Variants in MTERF3 observed in about 807,000 individuals in gnomAD.
The protein encoded by MTERF3 is transcription termination factor 3, mitochondrial.
MTERF3 carries 40 observed loss-of-function variants against 40.5 expected under a neutral mutation model. That is an observed-to-expected ratio of 0.99 (90% CI 0.77 to 1.29). The LOEUF (loss-of-function observed/expected upper bound fraction) is 1.29. Ranked by LOEUF, MTERF3 falls within the 50% of genes most tolerant of loss-of-function variation. MTERF3 has a pLI of 0.00. For synonymous variants in MTERF3, 158 were observed against 166.6 expected, an observed-to-expected ratio of 0.95 and a Z score of 0.40; for missense variants, 452 against 478.2, an observed-to-expected ratio of 0.95 and a Z score of 0.51.
chr8:96,254,556 C>T (rs763820740), intron 3 of MTERF3, among the ~76,000 whole-genome samples: 2 of 152,188 alleles, frequency 1.3e-5, no homozygotes, highest in Non-Finnish European at 2.9e-5. Context: ...CCAGGTTCAT[C>T]CGTGTTGTTG....
intron 3 of MTERF3, among the ~76,000 whole-genome samples, chr8:96,256,010 A>C (rs1031506200): frequency 6.6e-6 from 1 of 152,188 alleles, no homozygotes; most frequent in Non-Finnish European, 1.5e-5. Context: ...TTGGGTATGG[A>C]GAGACCCGAC....
Position 96,245,945 on chromosome 8 carries a change from C to T in MTERF3, c.826-14G>A, listed in dbSNP as rs780918960. On this transcript the variant is annotated splice_polypyrimidine_tract_variant and intron_variant, in intron 5 of 7. Transcript: ENST00000287025. The stretch of plus-strand genomic sequence containing the variant: ...CAGATCTCTAGTCTGTGGTTGCAAA[C>T]AAAACAATCTAGTATTACTATACGT... The T allele has an allele frequency of 1.2e-6, 2 of 1,610,738 alleles. No homozygotes were observed. The highest frequency in any genetic ancestry group is 8.5e-7 in the Non-Finnish European group (1 of 1,177,694).
intron 4 of MTERF3, among the ~76,000 whole-genome samples, chr8:96,248,830 C>T (rs1436042051): frequency 6.6e-6 from 1 of 152,040 alleles, no homozygotes; most frequent in Non-Finnish European, 1.5e-5. Flanking sequence ...GAAATCAGTG[C>T]TGTTATAGAA....
rs772125956 is a variant in MTERF3, at chr8:96,245,962, A to T, written c.826-31T>A. ...GTTGCAAACAAAACAATCTAGTATT[A>T]CTATACGTGCATCTTTAACTAGTTT... On this transcript the variant is annotated intron_variant, in intron 5 of 7. Coordinates refer to ENST00000287025, the MANE Select transcript of MTERF3 (RefSeq NM_015942.5). 4.4e-6 allele frequency: 7 copies of T among 1,582,856 alleles called. 1 individual carries two copies. In the South Asian group the frequency reaches 7.9e-5, roughly 18 times the overall value.
rs979027657 is a variant in MTERF3 at position 96,250,786 on chromosome 8, A to C, written c.677+120T>G. 8.4e-6 allele frequency: 8 copies of C among 956,092 alleles called. No homozygotes were observed. The South Asian group carries it at 1.4e-4, about 16-fold the overall frequency. The allele number at this position is 956,092 out of a possible 1,614,324, so 59.2% of individuals were successfully genotyped here. A position where few individuals can be genotyped will look rare whatever the true frequency, so the allele number is the denominator to read the frequency against. On this transcript the variant is annotated intron_variant, in intron 4 of 7. Coordinates refer to ENST00000287025, the MANE Select transcript of MTERF3 (RefSeq NM_015942.5). ...TTTAGATCAAAGAAGGTCTATAACA[A>C]AAAAAATTCATGTTATCTCAGTAGA... is the stretch of plus-strand genomic sequence containing the variant.
chr8:96,245,883 C>T lies in MTERF3; in HGVS notation c.874G>A (p.Glu292Lys). 1 of 1,613,968 alleles carries T rather than the reference C, an allele frequency of 6.2e-7. No individual in the cohort carries two copies. Among genetic ancestry groups the T allele is most frequent in the Non-Finnish European group, 8.5e-7 (1 of 1,179,948 alleles). The change falls in exon 6 of 8, where the codon GAA (glutamate) becomes AAA (lysine). Residue 292 changes from glutamate (E) to lysine (K), a missense_variant. Glu to Lys is a moderately conservative substitution (Grantham distance 56). Transcript: ENST00000287025. ...RLPRLLTGSL[E>K]PVKENMKVYR... Reference sequence around the variant, plus strand: ...ACCTTCATATTTTCTTTCACGGGTTCCAGACTTCCAGTTAGCAGCCTTGGG... The same window carrying T: ...ACCTTCATATTTTCTTTCACGGGTTTCAGACTTCCAGTTAGCAGCCTTGGG...
At chr8:96,248,422 G>A (rs1404765602) in intron 4 of MTERF3, among the ~76,000 whole-genome samples, 1 of 152,234 alleles carries the variant, frequency 6.6e-6, no homozygotes, top group Non-Finnish European at 1.5e-5. Flanking sequence ...CCAAGATACA[G>A]TGAAGGTAAG....
chr8:96,250,657 A>AAGG (rs1563548893), intron 4 of MTERF3, among the ~76,000 whole-genome samples: 1 of 29,130 alleles, frequency 3.4e-5, no homozygotes, highest in Non-Finnish European at 8.3e-5. Flanking sequence ...GAAGAAGAAG[A>AAGG]AGAAGAAGAA....
rs553827490 is a variant in MTERF3 at position 96,246,869 on chromosome 8, A to T, written c.678-415T>A. 2.1e-3 allele frequency among the ~76,000 whole-genome samples: 327 copies of T among 152,164 alleles called. 1 individual carries two copies. Among genetic ancestry groups the T allele is most frequent in the African/African-American group, 7.2e-3 (298 of 41,498 alleles). On this transcript the variant is annotated intron_variant, in intron 4 of 7. Transcript: ENST00000287025. Reference sequence around the variant, plus strand: ...TTTTTTGATAAGAACAGAAAAACACAAATTAAGAAAATAACACAAATTAAG... The same window carrying T: ...TTTTTTGATAAGAACAGAAAAACACTAATTAAGAAAATAACACAAATTAAG...
chr8:96,241,888 G>A (rs1247996754), intron 7 of MTERF3, among the ~76,000 whole-genome samples: 2 of 152,158 alleles, frequency 1.3e-5, no homozygotes, highest in Non-Finnish European at 2.9e-5. Context: ...GGGGGATCCT[G>A]AATATAACCT....
At chr8:96,250,664 A>AGACGAAGAAGACGAAGACGAAGAAGAC (rs1810151190) in intron 4 of MTERF3, among the ~76,000 whole-genome samples, 1 of 36,634 alleles carries the variant, frequency 2.7e-5, no homozygotes, top group East Asian at 5.1e-4. Context: ...AAGAAGAAGA[A>AGACGAAGAAGACGAAGACGAAGAAGAC]GAAGAAGAAG....
Position 96,239,415 on chromosome 8 carries a change from G to A in MTERF3, c.*76C>T, listed in dbSNP as rs992282300. 53 of 1,163,176 alleles carry A rather than the reference G, an allele frequency of 4.6e-5. No homozygotes were observed. The highest frequency in any genetic ancestry group is 5.7e-4 in the Middle Eastern group (2 of 3,492). 72.1% of individuals were successfully genotyped at this position (1,163,176 alleles called of 1,614,324 possible). On this transcript the variant is annotated 3_prime_UTR_variant, in exon 8 of 8. Coordinates refer to ENST00000287025, the MANE Select transcript of MTERF3 (RefSeq NM_015942.5). ...TGGTTTCCAATATCAGTTGAGACCC[G>A]AGGCATTTAAAAATATATTCATTTA...
chr8:96,242,599 A>G (rs1053883893), intron 7 of MTERF3, among the ~76,000 whole-genome samples: 2 of 152,188 alleles, frequency 1.3e-5, no homozygotes, highest in African/African-American at 4.8e-5. Context: ...TCTACCTCAT[A>G]TGGTTGTTGT....
intron 2 of MTERF3, 151 bp downstream of exon 2, chr8:96,258,206 C>T (rs767938548): frequency 6.7e-6 from 9 of 1,344,436 alleles, no homozygotes; most frequent in Non-Finnish European, 8.6e-6. Flanking sequence ...AAAATAAAGG[C>T]ATGATAGAAG....
intron 4 of MTERF3, among the ~76,000 whole-genome samples, chr8:96,250,683 G>GAAGAAGAAGAAGAAGAAGACGAAGAA: frequency 1.7e-5 from 1 of 58,862 alleles, no homozygotes; most frequent in Non-Finnish European, 3.7e-5. Flanking sequence ...AGAAGAAGAA[G>GAAGAAGAAGAAGAAGAAGACGAAGAA]GAGGAGGAGG....
chr8:96,250,528 T>TGGCGAAACCCCATCCTCA (rs1276943910), intron 4 of MTERF3, among the ~76,000 whole-genome samples: 1 of 147,902 alleles, frequency 6.8e-6, no homozygotes, highest in East Asian at 2.0e-4. Flanking sequence ...CTGGCCAATG[T>TGGCGAAACCCCATCCTCA]GGCGAAACCC....
intron 3 of MTERF3, among the ~76,000 whole-genome samples, chr8:96,252,129 C>T (rs1810196888): frequency 6.6e-6 from 1 of 152,180 alleles, no homozygotes; most frequent in African/African-American, 2.4e-5. Flanking sequence ...TGTGAGGCCT[C>T]CCCAGCCATA....
At chr8:96,241,333 C>G (rs1295517982) in intron 7 of MTERF3, among the ~76,000 whole-genome samples, 1 of 151,780 alleles carries the variant, frequency 6.6e-6, no homozygotes, top group Non-Finnish European at 1.5e-5. Context: ...TCACTTGAAC[C>G]CGGGAGGCGG....
chr8:96,250,759 A>C, intron 4 of MTERF3, 147 bp downstream of exon 4: 1 of 592,222 alleles, frequency 1.7e-6, no homozygotes, highest in Non-Finnish European at 2.7e-6. Flanking sequence ...GTAAATACTT[A>C]ATTTAGATCA....
Sources: allele counts gnomAD v4.1 joint callset (sites outside exome capture counted in the v4.1 genomes callset), GRCh38; gene constraint gnomAD v4.1.1; transcripts MANE v1.5; gene names NCBI Gene and HGNC (gene_info 2026-07-23, HGNC 2026-07-21).